The following PM20D1 variants were observed in gnomAD, a reference collection of about 807,000 sequenced individuals.
PM20D1 encodes the protein peptidase M20 domain containing 1, also known as N-fatty-acyl-amino acid synthase/hydrolase PM20D1.
A neutral mutation model predicts 53.8 loss-of-function variants in PM20D1; 53 were observed. The ratio of observed to expected loss-of-function variants is 0.98; its 90% confidence interval spans 0.79 to 1.24. The LOEUF (loss-of-function observed/expected upper bound fraction) is 1.24. Among genes scored for constraint, PM20D1 ranks in the 50% most tolerant of loss-of-function variants. The pLI is 0.00. For missense variants in PM20D1, 564 were observed against 616.8 expected (o/e 0.91, Z 0.91); for synonymous variants, 239 against 241.3 (o/e 0.99, Z 0.09).
intron 4 of PM20D1, among the ~76,000 whole-genome samples, chr1:205,844,556 T>C (rs1032315004): frequency 9.5e-5 from 14 of 146,902 alleles, no homozygotes; most frequent in African/African-American, 3.3e-4. Context: ...TCTTAGGGTA[T>C]AGGTGATGGA....
At chr1:205,830,207 G>A (rs1656526391) in intron 12 of PM20D1, 73 bp downstream of exon 12, 1 of 1,165,452 alleles carries the variant, frequency 8.6e-7, no homozygotes, top group Non-Finnish European at 1.3e-6. Flanking sequence ...ACTGCCAGGA[G>A]CATGGGGTAG....
At chr1:205,839,309 TA>T (rs1656751718) in intron 10 of PM20D1, among the ~76,000 whole-genome samples, 1 of 152,330 alleles carries the variant, frequency 6.6e-6, no homozygotes, top group South Asian at 2.1e-4. Flanking sequence ...TTTTTGACCC[TA>T]AGAAGTAGCA....
At chr1:205,833,530 A>G (rs550755195) in intron 10 of PM20D1, among the ~76,000 whole-genome samples, 1 of 152,366 alleles carries the variant, frequency 6.6e-6, no homozygotes, top group East Asian at 1.9e-4. Flanking sequence ...CTTGTATTCA[A>G]GTTTTCTCTC....
At chr1:205,841,253 A>C (rs577848033) in intron 9 of PM20D1, among the ~76,000 whole-genome samples, 2 of 152,308 alleles carry the variant, frequency 1.3e-5, no homozygotes, top group Admixed American at 6.5e-5. Flanking sequence ...CCCCAAGTGC[A>C]TATCTTTCTT....
At position 205,841,770 on chromosome 1, in the gene PM20D1, C is replaced by T. The variant is rs371666840; in HGVS notation, c.1044+41G>A. On this transcript the variant is annotated intron_variant, in intron 9 of 12. Coordinates refer to ENST00000367136, the MANE Select transcript of PM20D1 (RefSeq NM_152491.5). ...ATTCAAGGAAGGGAGGAGTGGAGGGCGGTAGGGAAAAGCTATATGGGGAGG... is the reference window on the plus strand; with the variant it reads ...ATTCAAGGAAGGGAGGAGTGGAGGGTGGTAGGGAAAAGCTATATGGGGAGG... 1.1e-4 allele frequency: 167 copies of T among 1,506,314 alleles called. No homozygotes were observed. In the African/African-American group the frequency reaches 1.3e-3, roughly 12 times the overall value. The allele number at this position is 1,506,314 out of a possible 1,614,324, so 93.3% of individuals were successfully genotyped here.
intron 11 of PM20D1, among the ~76,000 whole-genome samples, chr1:205,831,708 C>A (rs1440577755): frequency 6.6e-6 from 1 of 151,802 alleles, no homozygotes; most frequent in East Asian, 1.9e-4. Context: ...GGACTACAGG[C>A]GTGAGCTACC....
chr1:205,828,788 T>G, intron 12 of PM20D1, 45 bp from the exon 13 acceptor site: 1 of 1,610,092 alleles, frequency 6.2e-7, no homozygotes. Context: ...GAGGGCCAAG[T>G]GCCACAGCAC....
rs1656911914 is a variant in PM20D1, at chr1:205,844,864, T to G, written c.523A>C (p.Arg175=). Residue 175 remains arginine, a synonymous_variant, in exon 4 of 13, where the codon AGG becomes CGG. Transcript: ENST00000367136. ...AAAGATCTTCGGGGGATGTACTTCC[T>G]GATCAGCAGGAGCTCCAAGGCCTGC... ...LLQALELLLI[R]KYIPRRSFFI... is the part of the protein sequence containing the mutation. The G allele has an allele frequency of 6.2e-7, 1 of 1,614,006 alleles. No homozygotes were observed. The highest frequency in any genetic ancestry group is 8.5e-7 in the Non-Finnish European group (1 of 1,180,026).
chr1:205,847,164 C>T (rs1307108942), intron 2 of PM20D1, among the ~76,000 whole-genome samples: 28 of 127,440 alleles, frequency 2.2e-4, no homozygotes, highest in African/African-American at 8.5e-4. Context: ...TACAGGTGCT[C>T]GCCACCATGC....
chr1:205,828,414 A>G lies in PM20D1; in HGVS notation c.*206T>C, dbSNP rs1656487268. The G allele has an allele frequency of 1.7e-6, 1 of 583,790 alleles. No homozygotes were observed. Among genetic ancestry groups the G allele is most frequent in the South Asian group, 2.2e-5 (1 of 44,692 alleles). 36.2% of individuals were successfully genotyped at this position (583,790 alleles called of 1,614,324 possible). On this transcript the variant is annotated 3_prime_UTR_variant, in exon 13 of 13. Coordinates refer to ENST00000367136, the MANE Select transcript of PM20D1 (RefSeq NM_152491.5). ...CAAATGCCAGTGGATCAAGGGATGC[A>G]GATGTCGGGAGGAAGGGAGAAGCCA...
chr1:205,849,771 C>G (rs1036158301), intron 1 of PM20D1, 133 bp downstream of exon 1: 1 of 1,150,294 alleles, frequency 8.7e-7, no homozygotes, highest in African/African-American at 1.6e-5. Context: ...GTGTTGGGGC[C>G]GGGCTGGGGT....
chr1:205,845,671 C>T, intron 2 of PM20D1, 114 bp from the exon 3 acceptor site: 1 of 841,558 alleles, frequency 1.2e-6, no homozygotes, highest in Admixed American at 2.7e-5. Context: ...CATGCATCCT[C>T]CTTTAGGAAG....
chr1:205,835,333 T>G (rs547262320), intron 10 of PM20D1, among the ~76,000 whole-genome samples: 2 of 152,258 alleles, frequency 1.3e-5, no homozygotes, highest in East Asian at 3.9e-4. Context: ...CTTCTTAACC[T>G]CTCTGTGCCT....
chr1:205,846,727 A>G (rs1218379765), intron 2 of PM20D1, among the ~76,000 whole-genome samples: 1 of 151,972 alleles, frequency 6.6e-6, no homozygotes, highest in African/African-American at 2.4e-5. Flanking sequence ...CCTAGGGTCA[A>G]TTATTCAAGC....
chr1:205,848,081 G>A (rs1657039960), intron 1 of PM20D1, 110 bp from the exon 2 acceptor site: 5 of 964,082 alleles, frequency 5.2e-6, no homozygotes, highest in East Asian at 2.4e-5. Flanking sequence ...TATTGCAGAG[G>A]GCAAAACACT....
intron 10 of PM20D1, among the ~76,000 whole-genome samples, chr1:205,839,168 A>G (rs1325683595): frequency 6.6e-6 from 1 of 152,136 alleles, no homozygotes; most frequent in Non-Finnish European, 1.5e-5. Context: ...TCCATTTCCT[A>G]TCAGTTTTCA....
intron 3 of PM20D1, 86 bp downstream of exon 3, chr1:205,845,239 A>T (rs911541643): frequency 6.8e-6 from 9 of 1,333,108 alleles, no homozygotes; most frequent in Middle Eastern, 3.7e-4. Flanking sequence ...TTTTACCATT[A>T]TCTCCCACCT....
chr1:205,846,411 T>C (rs1380722964), intron 2 of PM20D1, among the ~76,000 whole-genome samples: 1 of 151,970 alleles, frequency 6.6e-6, no homozygotes, highest in Non-Finnish European at 1.5e-5. Flanking sequence ...ACTATTAAGA[T>C]GGTCAATATC....
chr1:205,835,508 T>C (rs575592754), intron 10 of PM20D1, among the ~76,000 whole-genome samples: 1 of 151,938 alleles, frequency 6.6e-6, no homozygotes, highest in Admixed American at 6.6e-5. Context: ...AAAAATTAGC[T>C]GGGCGTGGTG....
Sources: gnomAD v4.1 joint callset for allele counts (sites outside exome capture counted in the v4.1 genomes callset) on GRCh38, gnomAD v4.1.1 for gene constraint, MANE v1.5 for transcripts, NCBI Gene and HGNC (gene_info 2026-07-23, HGNC 2026-07-21) for gene names.